The following FIP1L1 variants were observed in gnomAD, a reference collection of about 807,000 sequenced individuals.
FIP1L1 encodes factor interacting with PAPOLA and CPSF1, also known as pre-mRNA 3'-end-processing factor FIP1.
In FIP1L1, 21 loss-of-function variants were observed where a neutral mutation model predicts 84.6. That is an observed-to-expected ratio of 0.25 (90% CI 0.18 to 0.36). FIP1L1 has a LOEUF of 0.36. Ranked by LOEUF, FIP1L1 falls within the 10% of genes least tolerant of loss-of-function variation. The probability of loss-of-function intolerance (pLI) is 1.00; values close to 1 mark genes in which losing one functional copy is unlikely to be tolerated. For missense variants in FIP1L1, 526 were observed against 751.1 expected, an observed-to-expected ratio of 0.70 and a Z score of 3.50; for synonymous variants, 263 against 242.3, an observed-to-expected ratio of 1.09 and a Z score of -0.80.
intron 15 of FIP1L1, among the ~76,000 whole-genome samples, chr4:53,451,213 C>T (rs1459651872): frequency 2.6e-5 from 4 of 151,796 alleles, no homozygotes; most frequent in South Asian, 4.2e-4. Flanking sequence ...TCAGGCAATC[C>T]GCCCACCTCT....
chr4:53,379,367 C>A lies in FIP1L1; in HGVS notation c.170+103C>A, dbSNP rs1423751660. The A allele has an allele frequency of 1.7e-5, 16 of 963,970 alleles. No homozygotes were observed. In the South Asian group the frequency reaches 2.0e-4, roughly 12 times the overall value. The allele number at this position is 963,970 out of a possible 1,614,324, so 59.7% of individuals were successfully genotyped here. A position where few individuals can be genotyped will look rare whatever the true frequency, so the allele number is the denominator to read the frequency against. ...CTTACAATCATTGGCTTCATTACAA[C>A]ACTGACTTACAACATTTTGGAGGAC... On this transcript the variant is annotated intron_variant, in intron 3 of 17. Coordinates refer to ENST00000337488, the MANE Select transcript of FIP1L1 (RefSeq NM_030917.4).
chr4:53,448,962 A>C (rs1375485105), intron 15 of FIP1L1, among the ~76,000 whole-genome samples: 1 of 152,062 alleles, frequency 6.6e-6, no homozygotes, highest in Non-Finnish European at 1.5e-5. Flanking sequence ...ATTCAGAAAT[A>C]GTTGTTTGGT....
intron 11 of FIP1L1, among the ~76,000 whole-genome samples, chr4:53,420,903 G>A (rs1051968082): frequency 6.6e-6 from 1 of 152,114 alleles, no homozygotes; most frequent in African/African-American, 2.4e-5. Flanking sequence ...GCTACTTTAA[G>A]TTCTTTCTGG....
At chr4:53,445,902 T>C (rs28588270) in intron 15 of FIP1L1, among the ~76,000 whole-genome samples, 14,470 of 152,194 alleles carry the variant, frequency 0.095, 1,210 homozygotes, top group South Asian at 0.28. Context: ...GGGTGACATA[T>C]TCTGGTCTCC....
chr4:53,406,223 G>T (rs1250224906), intron 10 of FIP1L1, among the ~76,000 whole-genome samples: 6 of 151,746 alleles, frequency 4.0e-5, no homozygotes, highest in Non-Finnish European at 7.4e-5. Context: ...AGCATGAAGG[G>T]TTGTTGAATT....
chr4:53,430,412 G>A (rs558976629), intron 13 of FIP1L1, among the ~76,000 whole-genome samples: 4 of 146,356 alleles, frequency 2.7e-5, no homozygotes, highest in East Asian at 2.0e-4. Context: ...GCAGTGGTGC[G>A]GTCTCAGCTC....
rs557749689 is a variant in FIP1L1, at chr4:53,414,728, G to C, written c.923+6G>C. ...GCCGAATCACCTGATCTAAGGTAAG[G>C]CTATTTTTAAACATTGGATACTCCC... On this transcript the variant is annotated splice_donor_region_variant and intron_variant, in intron 11 of 17. Transcript: ENST00000337488. 9 of 1,584,854 alleles carry C rather than the reference G, an allele frequency of 5.7e-6. 1 individual carries two copies. The highest frequency in any genetic ancestry group is 1.1e-5 in the South Asian group (1 of 89,950).
chr4:53,422,903 A>G (rs1194544471), intron 11 of FIP1L1, among the ~76,000 whole-genome samples: 2 of 152,078 alleles, frequency 1.3e-5, no homozygotes, highest in South Asian at 2.1e-4. Context: ...ATTTGTAGAC[A>G]CAAAGTCTCG....
At chr4:53,406,133 T>C (rs1160991802) in intron 10 of FIP1L1, among the ~76,000 whole-genome samples, 1 of 152,214 alleles carries the variant, frequency 6.6e-6, no homozygotes, top group Non-Finnish European at 1.5e-5. Flanking sequence ...CAGTTTGATA[T>C]TGGCTGTGGG....
At chr4:53,445,268 G>A (rs963378630) in intron 15 of FIP1L1, among the ~76,000 whole-genome samples, 1 of 152,116 alleles carries the variant, frequency 6.6e-6, no homozygotes, top group African/African-American at 2.4e-5. Flanking sequence ...TTACGATGAG[G>A]AAGTTTTGAA....
At chr4:53,435,039 GTT>G (rs1165960884) in intron 13 of FIP1L1, among the ~76,000 whole-genome samples, 1 of 152,142 alleles carries the variant, frequency 6.6e-6, no homozygotes, top group Non-Finnish European at 1.5e-5. Context: ...AACTGGCACT[GTT>G]TGCCAGAAAT....
At chr4:53,422,826 C>T (rs1466731665) in intron 11 of FIP1L1, among the ~76,000 whole-genome samples, 1 of 152,040 alleles carries the variant, frequency 6.6e-6, no homozygotes, top group Non-Finnish European at 1.5e-5. Flanking sequence ...GCAATCCTCT[C>T]ACCTAAGCCC....
At chr4:53,452,351 C>T (rs978464558) in intron 15 of FIP1L1, among the ~76,000 whole-genome samples, 4 of 151,192 alleles carry the variant, frequency 2.6e-5, no homozygotes, top group Non-Finnish European at 5.9e-5. Flanking sequence ...GATAGTCTCA[C>T]TCTGTCGCCC....
chr4:53,383,339 C>T (rs1739100412), intron 4 of FIP1L1, among the ~76,000 whole-genome samples: 1 of 152,022 alleles, frequency 6.6e-6, no homozygotes, highest in Non-Finnish European at 1.5e-5. Context: ...GCATTATAAG[C>T]TTGTAACTTT....
At chr4:53,458,544 T>G in intron 16 of FIP1L1, 109 bp from the exon 17 acceptor site, 2 of 1,027,464 alleles carry the variant, frequency 1.9e-6, no homozygotes, top group Non-Finnish European at 2.8e-6. Flanking sequence ...TAAAAGATGC[T>G]AATGTGAGGA....
chr4:53,397,274 A>AT (rs762627955), intron 9 of FIP1L1, among the ~76,000 whole-genome samples: 1 of 152,128 alleles, frequency 6.6e-6, no homozygotes, highest in Non-Finnish European at 1.5e-5. Context: ...CCATAATGAG[A>AT]TTCTTTTGGG....
At chr4:53,411,371 T>G (rs1757145917) in intron 10 of FIP1L1, among the ~76,000 whole-genome samples, 1 of 152,212 alleles carries the variant, frequency 6.6e-6, no homozygotes, top group Non-Finnish European at 1.5e-5. Flanking sequence ...ATACTGTCAC[T>G]TTCGTACGTA....
intron 10 of FIP1L1, among the ~76,000 whole-genome samples, chr4:53,407,141 G>A (rs936053031): frequency 2.0e-5 from 3 of 151,814 alleles, no homozygotes; most frequent in Non-Finnish European, 4.4e-5. Flanking sequence ...TCTCTTGTGG[G>A]CATTCAGTGC....
At chr4:53,415,867 A>ATATATTAGC (rs1759270873) in intron 11 of FIP1L1, among the ~76,000 whole-genome samples, 1 of 152,190 alleles carries the variant, frequency 6.6e-6, no homozygotes, top group Admixed American at 6.5e-5. Context: ...GTAGATAAAA[A>ATATATTAGC]TATATTAGCT....
Sources: gnomAD v4.1 joint callset for allele counts (sites outside exome capture counted in the v4.1 genomes callset) on GRCh38, gnomAD v4.1.1 for gene constraint, MANE v1.5 for transcripts, NCBI Gene and HGNC (gene_info 2026-07-23, HGNC 2026-07-21) for gene names.